The following ASIC2 variants were observed in gnomAD, a reference collection of about 807,000 sequenced individuals.
The protein encoded by ASIC2 is acid sensing ion channel subunit 2, also known as acid-sensing ion channel 2.
Under a neutral mutation model 57.3 loss-of-function variants are expected in ASIC2, and 25 were observed. That is an observed-to-expected ratio of 0.44 (90% CI 0.32 to 0.61). The LOEUF (loss-of-function observed/expected upper bound fraction) is 0.61, where lower values mean the gene tolerates loss of function less well. Among genes scored for constraint, ASIC2 ranks in the 20% least tolerant of loss-of-function variants. The probability of loss-of-function intolerance (pLI) is 0.06; values close to 1 mark genes in which losing one functional copy is unlikely to be tolerated. For synonymous variants in ASIC2, 319 were observed against 307.5 expected (o/e 1.04, Z -0.39); for missense variants, 641 against 738.1 (o/e 0.87, Z 1.52).
chr17:33,870,633 G>T (rs1482050865), intron 1 of ASIC2, among the ~76,000 whole-genome samples: 1 of 152,034 alleles, frequency 6.6e-6, no homozygotes, highest in African/African-American at 2.4e-5. Context: ...TGGGTGTGGG[G>T]AGAAAAGTCT....
chr17:33,089,885 C>A (rs547000707), intron 2 of ASIC2, among the ~76,000 whole-genome samples: 2 of 152,308 alleles, frequency 1.3e-5, no homozygotes, highest in African/African-American at 4.8e-5. Context: ...GAGCCATCAT[C>A]CTAAATGTTT....
At chr17:33,042,702 T>C (rs542721690) in intron 3 of ASIC2, among the ~76,000 whole-genome samples, 2 of 152,298 alleles carry the variant, frequency 1.3e-5, no homozygotes, top group African/African-American at 2.4e-5. Flanking sequence ...CAGCAGATCA[T>C]ACTTTTTGCA....
intron 1 of ASIC2, among the ~76,000 whole-genome samples, chr17:33,504,688 C>G (rs929966178): frequency 6.6e-6 from 1 of 152,176 alleles, no homozygotes; most frequent in Non-Finnish European, 1.5e-5. Context: ...CCGCATACTC[C>G]TGGTGACTGT....
At chr17:33,872,003 C>A (rs1236435412) in intron 1 of ASIC2, among the ~76,000 whole-genome samples, 5 of 152,122 alleles carry the variant, frequency 3.3e-5, no homozygotes, top group African/African-American at 9.7e-5. Flanking sequence ...TGAGATCCCT[C>A]TCTCCTCCCA....
chr17:33,081,795 G>A (rs1172813636), intron 3 of ASIC2, among the ~76,000 whole-genome samples: 3 of 152,314 alleles, frequency 2.0e-5, no homozygotes, highest in African/African-American at 4.8e-5. Context: ...TTCTTCTTGT[G>A]AGCCATGGTG....
chr17:33,876,913 G>A (rs1001894745), intron 1 of ASIC2, among the ~76,000 whole-genome samples: 2 of 152,212 alleles, frequency 1.3e-5, no homozygotes, highest in Non-Finnish European at 2.9e-5. Flanking sequence ...CACGCGTTCA[G>A]GTTACTTTTG....
chr17:33,726,042 ACT>A (rs1280731558), intron 1 of ASIC2, among the ~76,000 whole-genome samples: 1 of 151,818 alleles, frequency 6.6e-6, no homozygotes, highest in East Asian at 1.9e-4. Context: ...ATCTCTCAAG[ACT>A]CTCACCTTTC....
chr17:33,255,316 A>G (rs1449854884), intron 1 of ASIC2, among the ~76,000 whole-genome samples: 1 of 152,112 alleles, frequency 6.6e-6, no homozygotes, highest in Non-Finnish European at 1.5e-5. Flanking sequence ...CTGGGATTAT[A>G]GGTGTGAGCC....
intron 1 of ASIC2, among the ~76,000 whole-genome samples, chr17:33,169,193 AAGCCTTGGT>A (rs1305128506): frequency 6.6e-6 from 1 of 152,190 alleles, no homozygotes; most frequent in Non-Finnish European, 1.5e-5. Context: ...TAGAAGCAAT[AAGCCTTGGT>A]AGTGTCCATA....
intron 1 of ASIC2, chr17:34,037,490 A>G (rs1907934971): frequency 1.9e-6 from 2 of 1,071,880 alleles, no homozygotes; most frequent in Admixed American, 2.8e-5. Flanking sequence ...GATGGGAAAA[A>G]AGCAAGAAAA....
chr17:33,959,641 G>T (rs1904856044), intron 1 of ASIC2, among the ~76,000 whole-genome samples: 1 of 152,206 alleles, frequency 6.6e-6, no homozygotes, highest in Non-Finnish European at 1.5e-5. Flanking sequence ...CAGCATGGGA[G>T]AAAGATAAAG....
At chr17:33,167,497 C>A (rs1019884278) in intron 1 of ASIC2, among the ~76,000 whole-genome samples, 4 of 152,232 alleles carry the variant, frequency 2.6e-5, no homozygotes, top group African/African-American at 9.6e-5. Flanking sequence ...CACTACCCCC[C>A]ACCCGGTTCC....
intron 1 of ASIC2, among the ~76,000 whole-genome samples, chr17:33,799,402 CTTT>C (rs11341947): frequency 1.6e-5 from 1 of 60,750 alleles, no homozygotes; most frequent in African/African-American, 5.9e-5. Flanking sequence ...TTCTTTCTTT[CTTT>C]TCTTTCTTTC....
intron 1 of ASIC2, among the ~76,000 whole-genome samples, chr17:33,924,290 G>A (rs1040927570): frequency 1.3e-5 from 2 of 152,220 alleles, no homozygotes; most frequent in African/African-American, 4.8e-5. Context: ...GAGGCTTGCA[G>A]AGCGGGCTTG....
At chr17:33,142,108 C>T (rs977128260) in intron 1 of ASIC2, among the ~76,000 whole-genome samples, 6 of 152,188 alleles carry the variant, frequency 3.9e-5, no homozygotes, top group African/African-American at 7.2e-5. Context: ...GTTGCTTTTT[C>T]AGCACTCTGC....
Position 33,436,850 on chromosome 17 carries a change from CTTCTTTTTTTTTTTT to C in ASIC2, c.556-324798_556-324784del, listed in dbSNP as rs1422586959. 3.2e-4 allele frequency among the ~76,000 whole-genome samples: 24 copies of C among 76,038 alleles called. No homozygotes were observed. The South Asian group carries it at 3.5e-3, about 11-fold the overall frequency. The allele number at this position is 76,038 out of a possible 152,430, so 49.9% of individuals were successfully genotyped here. On this transcript the variant is annotated intron_variant, in intron 1 of 9. Coordinates refer to the ASIC2 transcript ENST00000359872. ...TGCAATGCCTTAAAACACATTCCAA[CTTCTTTTTTTTTTTT>C]TTTTTTTTTTTTTTTTTTGAGACGG... is the stretch of plus-strand genomic sequence containing the variant.
chr17:33,386,541 C>A (rs1027333844), intron 1 of ASIC2, among the ~76,000 whole-genome samples: 5 of 152,116 alleles, frequency 3.3e-5, no homozygotes, highest in Non-Finnish European at 7.4e-5. Flanking sequence ...TGAAACCATC[C>A]ACTTCTCCCT....
At chr17:33,963,054 A>G (rs1268382933) in intron 1 of ASIC2, among the ~76,000 whole-genome samples, 1 of 152,168 alleles carries the variant, frequency 6.6e-6, no homozygotes, top group Non-Finnish European at 1.5e-5. Context: ...CCGGAAACAT[A>G]TGTAAGAGGA....
At chr17:34,119,189 C>T (rs1488403549) in intron 1 of ASIC2, among the ~76,000 whole-genome samples, 1 of 152,232 alleles carries the variant, frequency 6.6e-6, no homozygotes, top group East Asian at 1.9e-4. Context: ...ATAAAGGGAA[C>T]ATAATAGAAG....
Sources: allele counts gnomAD v4.1 joint callset (sites outside exome capture counted in the v4.1 genomes callset), GRCh38; gene constraint gnomAD v4.1.1; transcripts MANE v1.5; gene names NCBI Gene and HGNC (gene_info 2026-07-23, HGNC 2026-07-21).